ST18: variants seen among roughly 807,000 people sequenced by gnomAD.
ST18 encodes the protein suppression of tumorigenicity 18 protein.
In ST18, 50 loss-of-function variants were observed where a neutral mutation model predicts 110.0. That is an observed-to-expected ratio of 0.45 (90% CI 0.36 to 0.58). The LOEUF (loss-of-function observed/expected upper bound fraction) is 0.58. ST18 is among the 20% of genes least tolerant of loss of function. ST18 has a pLI of 0.00. For synonymous variants in ST18, 461 were observed against 452.4 expected (o/e 1.02, Z -0.24); for missense variants, 1,306 against 1,280.1 (o/e 1.02, Z -0.31).
chr8:52,153,922 C>T (rs1175834243), intron 15 of ST18, among the ~76,000 whole-genome samples: 1 of 152,168 alleles, frequency 6.6e-6, no homozygotes, highest in African/African-American at 2.4e-5. Context: ...GCTTATAGTA[C>T]CTGGCACATA....
At chr8:52,249,591 A>G (rs2094132075) in intron 2 of ST18, among the ~76,000 whole-genome samples, 1 of 152,088 alleles carries the variant, frequency 6.6e-6, no homozygotes, top group Admixed American at 6.6e-5. Context: ...TTTTCTATGT[A>G]CATACTCCAC....
intron 2 of ST18, among the ~76,000 whole-genome samples, chr8:52,329,359 G>A (rs1447312784): frequency 6.6e-6 from 1 of 151,986 alleles, no homozygotes; most frequent in East Asian, 1.9e-4. Context: ...GTGAGTGCAG[G>A]CTTCATGGAG....
intron 2 of ST18, among the ~76,000 whole-genome samples, chr8:52,367,330 G>T (rs1564592082): frequency 6.6e-6 from 1 of 151,416 alleles, no homozygotes; most frequent in Non-Finnish European, 1.5e-5. Flanking sequence ...GCTGAAGCAT[G>T]AGAATTGCTT....
chr8:52,154,187 C>T (rs1242793479), intron 15 of ST18, among the ~76,000 whole-genome samples: 1 of 152,218 alleles, frequency 6.6e-6, no homozygotes, highest in East Asian at 1.9e-4. Flanking sequence ...CAAATCTGCC[C>T]TGCTCTTAAA....
intron 25 of ST18, among the ~76,000 whole-genome samples, chr8:52,114,329 G>T (rs2041709047): frequency 6.6e-6 from 1 of 152,026 alleles, no homozygotes; most frequent in African/African-American, 2.4e-5. Flanking sequence ...TTCAAGGAGA[G>T]CACATGCTGG....
rs116205498 is a variant in ST18 at position 52,237,619 on chromosome 8, G to A, written c.-464-7542C>T. Among the ~76,000 whole-genome samples the A allele has an allele frequency of 9.1e-3, 1,386 of 152,200 alleles. 20 individuals are homozygous for A. Among genetic ancestry groups the A allele is most frequent in the African/African-American group, 0.031 (1,304 of 41,498 alleles). ...ACAAGATGGGTGATGGAGATGAAAG[G>A]GTGGATAACACAGATATTATATTTC... is the stretch of plus-strand genomic sequence containing the variant. On this transcript the variant is annotated intron_variant, in intron 2 of 25. Coordinates refer to ENST00000689386, the MANE Select transcript of ST18 (RefSeq NM_001352837.2).
At chr8:52,172,999 A>G (rs1465706839) in intron 9 of ST18, among the ~76,000 whole-genome samples, 1 of 152,208 alleles carries the variant, frequency 6.6e-6, no homozygotes, top group African/African-American at 2.4e-5. Context: ...AAAATCAAAT[A>G]TATATAATAG....
intron 2 of ST18, among the ~76,000 whole-genome samples, chr8:52,269,502 C>G (rs578177536): frequency 1.3e-5 from 2 of 152,144 alleles, no homozygotes; most frequent in Non-Finnish European, 2.9e-5. Context: ...GTTAGGCCAC[C>G]AAGCAGCTGG....
chr8:52,308,048 A>G (rs935556779), intron 2 of ST18, among the ~76,000 whole-genome samples: 2 of 152,226 alleles, frequency 1.3e-5, no homozygotes, highest in Non-Finnish European at 2.9e-5. Context: ...GATTCCTGCC[A>G]GTGACATACT....
intron 2 of ST18, among the ~76,000 whole-genome samples, chr8:52,233,293 C>A (rs149912300): frequency 6.6e-6 from 1 of 152,206 alleles, no homozygotes; most frequent in African/African-American, 2.4e-5. Context: ...AATAGTGAAT[C>A]TATTTCTGTT....
rs140406637 is a variant in ST18, at chr8:52,389,921, T to A, written c.-465+19407A>T. On this transcript the variant is annotated intron_variant, in intron 2 of 25. Coordinates refer to ENST00000689386, the MANE Select transcript of ST18 (RefSeq NM_001352837.2). Reference sequence around the variant, plus strand: ...GGCTATTGTGCATTTTTCCGTATATTTACTCCAACAACAACAACAACAACA... The same window carrying A: ...GGCTATTGTGCATTTTTCCGTATATATACTCCAACAACAACAACAACAACA... Among the ~76,000 whole-genome samples the A allele has an allele frequency of 8.9e-4, 136 of 152,196 alleles. No individual in the cohort carries two copies. In the East Asian group the frequency reaches 0.025, roughly 27 times the overall value.
At chr8:52,384,619 C>A (rs2140891240) in intron 2 of ST18, among the ~76,000 whole-genome samples, 1 of 152,312 alleles carries the variant, frequency 6.6e-6, no homozygotes. Context: ...TCTCACCAAT[C>A]TACAATGCCA....
intron 22 of ST18, among the ~76,000 whole-genome samples, chr8:52,131,419 G>T (rs1423301757): frequency 6.6e-6 from 1 of 152,096 alleles, no homozygotes; most frequent in African/African-American, 2.4e-5. Flanking sequence ...TCAGTCACTG[G>T]GAAGCTATAA....
intron 8 of ST18, among the ~76,000 whole-genome samples, chr8:52,196,003 C>G (rs1016241571): frequency 3.3e-5 from 5 of 152,058 alleles, no homozygotes; most frequent in Non-Finnish European, 7.4e-5. Context: ...ATAAAATGTT[C>G]CCTCATTTAG....
At chr8:52,201,912 T>A (rs1173654241) in intron 8 of ST18, among the ~76,000 whole-genome samples, 3 of 152,202 alleles carry the variant, frequency 2.0e-5, no homozygotes, top group Non-Finnish European at 4.4e-5. Context: ...GCATCTCCCT[T>A]GTATGTCTGA....
chr8:52,324,431 G>A (rs564632977), intron 2 of ST18, among the ~76,000 whole-genome samples: 4 of 152,090 alleles, frequency 2.6e-5, no homozygotes, highest in Admixed American at 2.6e-4. Flanking sequence ...GGGACTAAAG[G>A]AATGCTATGG....
At chr8:52,185,455 G>T (rs2071679266) in intron 8 of ST18, among the ~76,000 whole-genome samples, 1 of 152,106 alleles carries the variant, frequency 6.6e-6, no homozygotes, top group African/African-American at 2.4e-5. Flanking sequence ...AAAGAACCAA[G>T]AAGAGCAAAG....
intron 2 of ST18, among the ~76,000 whole-genome samples, chr8:52,301,361 G>T (rs2095718534): frequency 6.6e-6 from 1 of 152,110 alleles, no homozygotes; most frequent in Non-Finnish European, 1.5e-5. Context: ...GTTAAAGAAT[G>T]ATGTGCTATA....
chr8:52,350,441 T>C (rs971722376), intron 2 of ST18, among the ~76,000 whole-genome samples: 4 of 152,118 alleles, frequency 2.6e-5, no homozygotes, highest in African/African-American at 7.2e-5. Flanking sequence ...AGCTAGGAAA[T>C]TGTAGGTCAT....
Sources: gnomAD v4.1 joint callset for allele counts (sites outside exome capture counted in the v4.1 genomes callset) on GRCh38, gnomAD v4.1.1 for gene constraint, MANE v1.5 for transcripts, NCBI Gene and HGNC (gene_info 2026-07-23, HGNC 2026-07-21) for gene names.